Variants in PTPRF observed in about 807,000 individuals in gnomAD.
PTPRF encodes receptor-type tyrosine-protein phosphatase F.
A neutral mutation model predicts 201.8 loss-of-function variants in PTPRF; 59 were observed. That is an observed-to-expected ratio of 0.29 (90% CI 0.24 to 0.36). The LOEUF is 0.36. Ranked by LOEUF, PTPRF falls within the 10% of genes least tolerant of loss-of-function variation. PTPRF has a pLI of 1.00. For missense variants in PTPRF, 2,132 were observed against 2,690.5 expected (o/e 0.79, Z 4.59); for synonymous variants, 1,088 against 1,089.7 (o/e 1.00, Z 0.03).
intron 6 of PTPRF, among the ~76,000 whole-genome samples, chr1:43,572,957 C>T (rs1376193025): frequency 6.6e-6 from 1 of 152,068 alleles, no homozygotes; most frequent in African/African-American, 2.4e-5. Context: ...TCTCCAGACC[C>T]CAGGCCCCCA....
chr1:43,604,273 G>A (rs969292415), intron 16 of PTPRF, 84 bp downstream of exon 16: 29 of 1,402,816 alleles, frequency 2.1e-5, no homozygotes, highest in Middle Eastern at 4.2e-4. Flanking sequence ...GACCTCTGGC[G>A]ACTGTGATCC....
chr1:43,615,586 T>TTTTTTGGAAGTC (rs1306637501), intron 23 of PTPRF, among the ~76,000 whole-genome samples: 2 of 140,596 alleles, frequency 1.4e-5, no homozygotes, highest in African/African-American at 5.5e-5. Flanking sequence ...TTTTTTCTTT[T>TTTTTTGGAAGTC]TTGGAAGTCT....
At chr1:43,524,050 C>CAAAAAAAAAAAAAA (rs57088994), upstream of PTPRF, among the ~76,000 whole-genome samples, 1 of 80,668 alleles carries the variant, frequency 1.2e-5, no homozygotes, top group Non-Finnish European at 2.2e-5. Flanking sequence ...GAGACTCTGT[C>CAAAAAAAAAAAAAA]AAAAAAAAAA....
At chr1:43,581,091 T>A (rs1477923356) in intron 7 of PTPRF, among the ~76,000 whole-genome samples, 1 of 152,226 alleles carries the variant, frequency 6.6e-6, no homozygotes, top group African/African-American at 2.4e-5. Context: ...AGCTGGCAGC[T>A]CAGTCACTGC....
Position 43,606,855 on chromosome 1 carries a change from C to T in PTPRF, c.3744C>T (p.Val1248=). The T allele has an allele frequency of 6.2e-7, 1 of 1,614,126 alleles. No homozygotes were observed. Among genetic ancestry groups the T allele is most frequent in the Non-Finnish European group, 8.5e-7 (1 of 1,180,034 alleles). ...GCCCCTACTCGGATGAGATCGTGGT[C>T]CAGGTGACACCAGCCCAGCAGCAGG... ...ASSPYSDEIV[V]QVTPAQQQEE... The change falls in exon 21 of 34, where the codon GTC becomes GTT. Residue 1248 remains valine (V), a synonymous_variant. Coordinates refer to ENST00000359947, the MANE Select transcript of PTPRF (RefSeq NM_002840.5).
chr1:43,605,739 C>T (rs1654935568), intron 19 of PTPRF, 117 bp downstream of exon 19: 1 of 1,030,554 alleles, frequency 9.7e-7, no homozygotes, highest in Non-Finnish European at 1.5e-6. Flanking sequence ...TGAAATCTCT[C>T]TTCTGGCTGG....
chr1:43,526,949 C>A (rs943324884), upstream of PTPRF, among the ~76,000 whole-genome samples: 13 of 152,298 alleles, frequency 8.5e-5, no homozygotes, highest in Non-Finnish European at 1.9e-4. Flanking sequence ...TTGTGCAAAC[C>A]CCTGGAGTTC....
In PTPRF at chr1:43,603,645, G is replaced by A. The variant is rs778111018; in HGVS notation, c.2493G>A (p.Thr831=). The A allele has an allele frequency of 1.7e-5, 27 of 1,613,304 alleles. No individual in the cohort carries two copies. Among genetic ancestry groups the A allele is most frequent in the African/African-American group, 8.0e-5 (6 of 74,926 alleles). The change falls in exon 16 of 34, where the codon ACG becomes ACA. Residue 831 remains threonine, a synonymous_variant. Coordinates refer to ENST00000359947, the MANE Select transcript of PTPRF (RefSeq NM_002840.5). The surrounding 1 kb of genome is among the most constrained non-coding windows in gnomAD (Gnocchi z 5.8). The part of the protein sequence containing the change: ...PGRPTMMIST[T]AMNTALLQWH... ...GGCCCACCATGATGATCAGCACCAC[G>A]GCCATGAACACTGCGCTGCTCCAGT...
rs748514877 is a variant in PTPRF, at chr1:43,618,665, C to T, written c.4407C>T (p.Thr1469=). 1.4e-5 allele frequency: 22 copies of T among 1,612,430 alleles called. No individual in the cohort carries two copies. The highest frequency in any genetic ancestry group is 1.2e-4 in the Admixed American group (7 of 59,980). The change falls in exon 26 of 34, where the codon ACC becomes ACT. Residue 1469 remains threonine, a synonymous_variant. Transcript: ENST00000359947. ...ATCAGTACTGGCCAGCCCGTGGCAC[C>T]GAGACCTGTGGCCTTATTCAGGTGA... The part of the protein sequence containing the change: ...KCDQYWPARG[T]ETCGLIQVTL...
intron 21 of PTPRF, among the ~76,000 whole-genome samples, chr1:43,608,009 C>G (rs1655552723): frequency 6.6e-6 from 1 of 152,258 alleles, no homozygotes; most frequent in African/African-American, 2.4e-5. Flanking sequence ...GAGCACATCT[C>G]TGCACCATGC....
Position 43,538,293 on chromosome 1 carries a change from A to G in PTPRF, c.-46+16A>G, listed in dbSNP as rs1032850111. The G allele has an allele frequency of 2.5e-6, 1 of 398,840 alleles. No individual in the cohort carries two copies. The highest frequency in any genetic ancestry group is 4.4e-6 in the Non-Finnish European group (1 of 226,242). The allele number at this position is 398,840 out of a possible 1,614,324, so 24.7% of individuals were successfully genotyped here. A position where few individuals can be genotyped will look rare whatever the true frequency, so the allele number is the denominator to read the frequency against. ...CAAAGACTCGGTGAGTGTGCCCCAC[A>G]GAGTGGCCAGGAGCAGGGGTGCACA... On this transcript the variant is annotated intron_variant, in intron 2 of 33. Coordinates refer to ENST00000359947, the MANE Select transcript of PTPRF (RefSeq NM_002840.5).
chr1:43,591,735 T>G, intron 9 of PTPRF, 77 bp from the exon 10 acceptor site: 2 of 1,567,878 alleles, frequency 1.3e-6, no homozygotes, highest in Admixed American at 3.5e-5. Context: ...AGGACCTGAC[T>G]TCCTCGGCTC....
chr1:43,620,368 G>A (rs764345093), intron 30 of PTPRF, 86 bp from the exon 31 acceptor site: 134 of 1,523,656 alleles, frequency 8.8e-5, no homozygotes, highest in Non-Finnish European at 1.1e-4. Context: ...ACTACCTGAG[G>A]CATCTGTCCC....
rs746806156 is a variant in PTPRF, at chr1:43,588,727, G to T, written c.680-4G>T. On this transcript the variant is annotated splice_region_variant and splice_polypyrimidine_tract_variant and intron_variant, in intron 7 of 33. Transcript: ENST00000359947. The surrounding 1 kb of genome is among the most constrained non-coding windows in gnomAD (Gnocchi z 5.3). ...TGTGAGTGCCTCTCTCCCTCCTCCTGCAGTGCGCCGCGTGGCTCCTCGTTT... is the reference window on the plus strand; with the variant it reads ...TGTGAGTGCCTCTCTCCCTCCTCCTTCAGTGCGCCGCGTGGCTCCTCGTTT... The T allele has an allele frequency of 6.2e-7, 1 of 1,612,452 alleles. No individual in the cohort carries two copies. Among genetic ancestry groups the T allele is most frequent in the African/African-American group, 1.3e-5 (1 of 74,902 alleles).
Position 43,605,582 on chromosome 1 carries a change from C to CCT in PTPRF, c.3443_3444insCT (p.Pro1149CysfsTer16), listed in dbSNP as rs1557836312. The CCT allele has an allele frequency of 6.2e-7, 1 of 1,614,120 alleles. No individual in the cohort carries two copies. Among genetic ancestry groups the CCT allele is most frequent in the Admixed American group, 1.7e-5 (1 of 60,028 alleles). ...GACCGTGTGGGCGGGAGCATGCTGA[C>CCT]GCCAAGGTGGAGCACACCCGAGGAA... On this transcript the variant is annotated frameshift_variant, in exon 19 of 34. Transcript: ENST00000359947. LOFTEE classifies it high-confidence loss of function.
rs772749387 is a variant in PTPRF at position 43,617,806 on chromosome 1, C to T, written c.4266C>T (p.Ala1422=). 1 of 1,614,110 alleles carries T rather than the reference C, an allele frequency of 6.2e-7. No homozygotes were observed. The highest frequency in any genetic ancestry group is 1.1e-5 in the South Asian group (1 of 91,080). ...DGYRKQNAYI[A]TQGPLPETMG... The stretch of plus-strand genomic sequence containing the variant: ...ACCGCAAGCAGAATGCCTACATCGC[C>T]ACGCAGGGCCCCCTGCCCGAGACCA... The change falls in exon 25 of 34, where the codon GCC becomes GCT. Residue 1422 remains alanine, a synonymous_variant. Transcript: ENST00000359947.
At position 43,592,565 on chromosome 1, in the gene PTPRF, T is replaced by C. The variant is rs1026828350; in HGVS notation, c.1777T>C (p.Phe593Leu). The C allele has an allele frequency of 6.2e-6, 10 of 1,607,532 alleles. No individual in the cohort carries two copies. The highest frequency in any genetic ancestry group is 8.5e-6 in the Non-Finnish European group (10 of 1,177,638). ...ACGCTCGGATATGGGGGTGGGCGTC[T>C]TCACCCCCACCATTGAGGCCCGCAC... Reference protein sequence around the residue: ...AARSDMGVGVFTPTIEARTAQ... With the variant: ...AARSDMGVGVLTPTIEARTAQ... The change falls in exon 11 of 34, where the codon TTC becomes CTC. Residue 593 changes from phenylalanine (F) to leucine (L), a missense_variant. This residue lies in a region of PTPRF where 351 missense variants were observed against 401.7 expected (regional missense o/e 0.87). Transcript: ENST00000359947.
intron 7 of PTPRF, among the ~76,000 whole-genome samples, chr1:43,585,355 C>T (rs1411300732): frequency 1.3e-5 from 2 of 152,080 alleles, no homozygotes; most frequent in African/African-American, 2.4e-5. Flanking sequence ...TTGCCTGTTT[C>T]CCCCACCCTT....
chr1:43,621,314 C>T (rs1338817281), intron 33 of PTPRF, 82 bp downstream of exon 33: 8 of 1,535,250 alleles, frequency 5.2e-6, no homozygotes, highest in African/African-American at 1.4e-5. Context: ...GTTTGATGCC[C>T]ACAGGCATGT....
Sources: allele counts gnomAD v4.1 joint callset (sites outside exome capture counted in the v4.1 genomes callset), GRCh38; gene constraint gnomAD v4.1.1; regional missense constraint gnomAD v4.1.1; non-coding constraint Gnocchi (gnomAD v3.1); transcripts MANE v1.5; gene names NCBI Gene and HGNC (gene_info 2026-07-23, HGNC 2026-07-21).